The following FAM178B variants were observed in gnomAD, a reference collection of about 807,000 sequenced individuals.
FAM178B encodes protein FAM178B.
In FAM178B, 82 loss-of-function variants were observed where a neutral mutation model predicts 91.7. The observed-to-expected ratio is 0.89, with a 90% confidence interval of 0.75 to 1.07. The LOEUF is 1.07. Ranked by LOEUF, FAM178B falls within the 50% of genes least tolerant of loss-of-function variation. The pLI is 0.00. For missense variants in FAM178B, 769 were observed against 846.7 expected (o/e 0.91, Z 1.14); for synonymous variants, 368 against 359.4 (o/e 1.02, Z -0.27).
At chr2:96,909,993 G>A (rs1484448661) in intron 12 of FAM178B, among the ~76,000 whole-genome samples, 3 of 152,128 alleles carry the variant, frequency 2.0e-5, no homozygotes, top group East Asian at 1.9e-4. Context: ...CATTTGACCC[G>A]CATTCCTTCA....
chr2:96,929,423 A>G, intron 8 of FAM178B, 103 bp from the exon 9 acceptor site: 1 of 797,522 alleles, frequency 1.3e-6, no homozygotes, highest in Non-Finnish European at 2.1e-6. Flanking sequence ...CAAGATAACC[A>G]GTTTTTGCCT....
intron 8 of FAM178B, among the ~76,000 whole-genome samples, chr2:96,939,981 T>C (rs2081699176): frequency 6.6e-6 from 1 of 152,234 alleles, no homozygotes; most frequent in African/African-American, 2.4e-5. Flanking sequence ...GAATTACTGT[T>C]ATCAAATTCT....
At chr2:96,916,478 G>A (rs867018968) in intron 12 of FAM178B, among the ~76,000 whole-genome samples, 5 of 152,200 alleles carry the variant, frequency 3.3e-5, no homozygotes, top group South Asian at 4.1e-4. Flanking sequence ...ATGAATAGCC[G>A]CAGGCAGTGA....
chr2:96,885,945 A>G (rs1396497084), intron 14 of FAM178B, among the ~76,000 whole-genome samples: 2 of 149,862 alleles, frequency 1.3e-5, no homozygotes, highest in Admixed American at 6.6e-5. Context: ...CACTGACACC[A>G]GCCAGGGCGT....
chr2:96,914,350 T>C (rs2081207663), intron 12 of FAM178B, among the ~76,000 whole-genome samples: 1 of 151,744 alleles, frequency 6.6e-6, no homozygotes, highest in Admixed American at 6.6e-5. Flanking sequence ...CGTGCGGGCA[T>C]GAGGGAGGGT....
At chr2:96,948,808 T>C (rs1055774363) in intron 7 of FAM178B, among the ~76,000 whole-genome samples, 45 of 152,136 alleles carry the variant, frequency 3.0e-4, no homozygotes, top group African/African-American at 1.1e-3. Flanking sequence ...TCACCAAGTG[T>C]CTGCGTCTGA....
intron 13 of FAM178B, among the ~76,000 whole-genome samples, chr2:96,898,632 A>T (rs2080867641): frequency 6.6e-6 from 1 of 152,088 alleles, no homozygotes; most frequent in Admixed American, 6.6e-5. Context: ...CCAGCCTGGG[A>T]AAGTGAGACC....
intron 1 of FAM178B, among the ~76,000 whole-genome samples, chr2:96,981,398 T>C (rs2082358435): frequency 6.6e-6 from 1 of 152,188 alleles, no homozygotes; most frequent in Admixed American, 6.5e-5. Flanking sequence ...TTCACTCTAT[T>C]AATGGTATAT....
At chr2:96,944,397 C>T (rs954184539) in intron 8 of FAM178B, among the ~76,000 whole-genome samples, 4 of 152,118 alleles carry the variant, frequency 2.6e-5, no homozygotes, top group African/African-American at 9.7e-5. Flanking sequence ...CTCTAAAGCC[C>T]GTGACCCCAG....
chr2:96,882,673 A>G (rs1276655476), intron 14 of FAM178B, among the ~76,000 whole-genome samples: 1 of 152,158 alleles, frequency 6.6e-6, no homozygotes, highest in Non-Finnish European at 1.5e-5. Flanking sequence ...TGGCCCTTCT[A>G]TACGCCAGAG....
intron 9 of FAM178B, among the ~76,000 whole-genome samples, chr2:96,924,113 G>A (rs190737453): frequency 1.3e-5 from 2 of 152,212 alleles, no homozygotes; most frequent in Admixed American, 6.5e-5. Context: ...GACACATGGA[G>A]GGGGGCTCCT....
intron 6 of FAM178B, among the ~76,000 whole-genome samples, chr2:96,957,327 A>G (rs2082013280): frequency 6.6e-6 from 1 of 152,222 alleles, no homozygotes; most frequent in Non-Finnish European, 1.5e-5. Context: ...GGTGACCTCC[A>G]GGAAGTGGGC....
At chr2:96,967,662 T>C in intron 4 of FAM178B, 35 bp from the exon 5 acceptor site, 1 of 1,422,616 alleles carries the variant, frequency 7.0e-7, no homozygotes, top group Non-Finnish European at 9.6e-7. Flanking sequence ...CGGGGGTCAG[T>C]GTTGTTCCCC....
chr2:96,921,450 T>C, intron 11 of FAM178B, 28 bp downstream of exon 11: 1 of 1,551,464 alleles, frequency 6.4e-7, no homozygotes, highest in Non-Finnish European at 8.7e-7. Context: ...TGAAGCTGTA[T>C]GAGGACCAGG....
At chr2:96,948,822 T>G (rs59284047) in intron 7 of FAM178B, among the ~76,000 whole-genome samples, 1 of 152,062 alleles carries the variant, frequency 6.6e-6, no homozygotes, top group Non-Finnish European at 1.5e-5. Flanking sequence ...CGTCTGATAA[T>G]TGGCCGAGGC....
chr2:96,937,179 A>C (rs1043366604), intron 8 of FAM178B, among the ~76,000 whole-genome samples: 1 of 102,532 alleles, frequency 9.8e-6, no homozygotes, highest in Non-Finnish European at 1.8e-5. Flanking sequence ...TACAGGTGTG[A>C]ACCACCACAC....
chr2:96,900,565 CA>C (rs200178526), intron 13 of FAM178B, among the ~76,000 whole-genome samples: 1,631 of 152,172 alleles, frequency 0.011, 41 homozygotes, highest in African/African-American at 0.037. Context: ...AGGAAAAGAT[CA>C]GGGGGTGGCC....
At chr2:96,957,023 A>AT (rs11345160) in intron 6 of FAM178B, among the ~76,000 whole-genome samples, 26 of 150,220 alleles carry the variant, frequency 1.7e-4, no homozygotes, top group East Asian at 7.9e-4. Context: ...CCCATGGCTC[A>AT]TTTTTTTTTT....
At chr2:96,978,243 C>T (rs183390641) in intron 1 of FAM178B, among the ~76,000 whole-genome samples, 3 of 152,282 alleles carry the variant, frequency 2.0e-5, no homozygotes, top group East Asian at 1.9e-4. Flanking sequence ...TGTTTGAATG[C>T]TTCTATGAAC....
Sources: allele counts gnomAD v4.1 joint callset (sites outside exome capture counted in the v4.1 genomes callset), GRCh38; gene constraint gnomAD v4.1.1; transcripts MANE v1.5; gene names NCBI Gene and HGNC (gene_info 2026-07-23, HGNC 2026-07-21).